The following IL1RAPL1 variants were observed in gnomAD, a reference collection of about 807,000 sequenced individuals.
IL1RAPL1 encodes interleukin 1 receptor accessory protein like 1.
In IL1RAPL1, 3 loss-of-function variants were observed where a neutral mutation model predicts 48.4. That is an observed-to-expected ratio of 0.06 (90% CI 0.03 to 0.16). The LOEUF (loss-of-function observed/expected upper bound fraction) is 0.16, where lower values mean the gene tolerates loss of function less well. IL1RAPL1 is among the 10% of genes least tolerant of loss of function. IL1RAPL1 has a pLI of 1.00. For synonymous variants in IL1RAPL1, 185 were observed against 187.7 expected (o/e 0.99, Z 0.12); for missense variants, 349 against 530.6 (o/e 0.66, Z 3.36).
rs1019688878 is a variant in IL1RAPL1 at position 29,904,976 on chromosome X, T to A, written c.779-12488T>A. On this transcript the variant is annotated intron_variant, in intron 6 of 10. Coordinates refer to ENST00000378993, the MANE Select transcript of IL1RAPL1 (RefSeq NM_014271.4). ...GTCTTCCACAATGGTTGAACTAATT[T>A]ACACTCCCACCAACAGAGTGAAAGC... Among the ~76,000 whole-genome samples, 7 of 112,057 alleles carry A rather than the reference T, an allele frequency of 6.2e-5. No individual in the cohort carries two copies. In the Admixed American group the frequency reaches 6.6e-4, roughly 11 times the overall value.
intron 2 of IL1RAPL1, among the ~76,000 whole-genome samples, chrX:28,917,402 G>A (rs187344825): frequency 2.9e-4 from 32 of 111,647 alleles, no homozygotes; most frequent in Non-Finnish European, 4.7e-4. Flanking sequence ...TCATTCTTTT[G>A]TGATATGACA....
intron 2 of IL1RAPL1, among the ~76,000 whole-genome samples, chrX:29,059,783 C>T (rs1927301006): frequency 1.8e-5 from 2 of 111,711 alleles, no homozygotes; most frequent in South Asian, 7.5e-4. Flanking sequence ...TTTATTTACT[C>T]ACTTGTTGAT....
intron 1 of IL1RAPL1, among the ~76,000 whole-genome samples, chrX:28,725,111 C>A (rs1033800012): frequency 9.1e-6 from 1 of 109,388 alleles, no homozygotes; most frequent in Non-Finnish European, 1.9e-5. Context: ...GCACCACGCC[C>A]GGCTAATTTT....
At chrX:29,734,608 T>C (rs1054722162) in intron 6 of IL1RAPL1, among the ~76,000 whole-genome samples, 2 of 112,248 alleles carry the variant, frequency 1.8e-5, no homozygotes, top group Admixed American at 9.5e-5. Context: ...TGCCATTCTT[T>C]CCAAAGATGC....
At chrX:29,897,198 G>A (rs901448028) in intron 6 of IL1RAPL1, among the ~76,000 whole-genome samples, 1 of 112,385 alleles carries the variant, frequency 8.9e-6, no homozygotes, top group Non-Finnish European at 1.9e-5. Flanking sequence ...GTTGTTCTAA[G>A]GGCATTGCTG....
intron 6 of IL1RAPL1, among the ~76,000 whole-genome samples, chrX:29,896,169 G>A (rs532941692): frequency 1.8e-5 from 2 of 112,324 alleles, no homozygotes; most frequent in East Asian, 2.8e-4. Context: ...GATGGGAAAC[G>A]ACTTTCAGTG....
intron 3 of IL1RAPL1, among the ~76,000 whole-genome samples, chrX:29,305,968 T>C (rs894702532): frequency 4.5e-5 from 5 of 111,982 alleles, no homozygotes; most frequent in Non-Finnish European, 7.5e-5. Context: ...AATTTTGGCA[T>C]TGATTTGTTA....
At chrX:28,810,645 AT>A (rs1249718363) in intron 2 of IL1RAPL1, among the ~76,000 whole-genome samples, 4 of 110,481 alleles carry the variant, frequency 3.6e-5, no homozygotes, top group Non-Finnish European at 5.7e-5. Flanking sequence ...ATGCATATGA[AT>A]TTTTTTTGTA....
intron 6 of IL1RAPL1, among the ~76,000 whole-genome samples, chrX:29,745,078 A>G (rs1928298732): frequency 8.9e-6 from 1 of 111,916 alleles, no homozygotes; most frequent in African/African-American, 3.2e-5. Flanking sequence ...TAAATAGACA[A>G]TGATCTTGAA....
chrX:29,035,503 T>G (rs1255287836), intron 2 of IL1RAPL1, among the ~76,000 whole-genome samples: 9 of 111,490 alleles, frequency 8.1e-5, no homozygotes. Context: ...TACACCTAAG[T>G]TAACTTTAGG....
At chrX:29,306,589 G>A (rs1407167040) in intron 3 of IL1RAPL1, among the ~76,000 whole-genome samples, 4 of 101,956 alleles carry the variant, frequency 3.9e-5, no homozygotes, top group African/African-American at 1.4e-4. Context: ...ATGGCCAGGC[G>A]CAGTGGCTCA....
At chrX:28,906,725 C>A (rs1923226214) in intron 2 of IL1RAPL1, among the ~76,000 whole-genome samples, 1 of 111,217 alleles carries the variant, frequency 9.0e-6, no homozygotes, top group African/African-American at 3.3e-5. Flanking sequence ...AGATATTTTA[C>A]AATCTTTCAT....
chrX:29,070,238 G>T (rs1241347044), intron 2 of IL1RAPL1, among the ~76,000 whole-genome samples: 1 of 111,853 alleles, frequency 8.9e-6, no homozygotes, highest in Non-Finnish European at 1.9e-5. Context: ...TAATTGTCAT[G>T]AGCACTAGAA....
At chrX:28,710,019 G>A (rs1935421549) in intron 1 of IL1RAPL1, among the ~76,000 whole-genome samples, 1 of 111,558 alleles carries the variant, frequency 9.0e-6, no homozygotes, top group South Asian at 3.7e-4. Flanking sequence ...TTTATAGACA[G>A]CGAGAGATGC....
At chrX:29,449,072 A>G (rs910067078) in intron 5 of IL1RAPL1, among the ~76,000 whole-genome samples, 1 of 111,525 alleles carries the variant, frequency 9.0e-6, no homozygotes, top group Non-Finnish European at 1.9e-5. Context: ...TTGAGGGAAC[A>G]TATTCAGTCC....
chrX:29,822,476 T>C (rs1930645219), intron 6 of IL1RAPL1, among the ~76,000 whole-genome samples: 1 of 111,069 alleles, frequency 9.0e-6, no homozygotes, highest in East Asian at 2.8e-4. Context: ...TTTTTGCATG[T>C]TTTGGTCTAC....
intron 2 of IL1RAPL1, among the ~76,000 whole-genome samples, chrX:29,044,799 G>A (rs1043187205): frequency 9.0e-6 from 1 of 111,073 alleles, no homozygotes; most frequent in African/African-American, 3.3e-5. Flanking sequence ...ACCCACAGTG[G>A]AAGTTTAGCA....
chrX:29,924,480 C>T (rs1254837413), intron 8 of IL1RAPL1, among the ~76,000 whole-genome samples: 1 of 112,040 alleles, frequency 8.9e-6, no homozygotes, highest in African/African-American at 3.2e-5. Context: ...GCCAAAGTTA[C>T]AGGCATGAAA....
intron 6 of IL1RAPL1, among the ~76,000 whole-genome samples, chrX:29,716,292 T>A (rs1927481796): frequency 2.7e-5 from 3 of 111,148 alleles, no homozygotes; most frequent in Admixed American, 9.6e-5. Flanking sequence ...TCTCTTTGGC[T>A]GAGAGATGCT....
Sources: allele counts gnomAD v4.1 joint callset (sites outside exome capture counted in the v4.1 genomes callset), GRCh38; gene constraint gnomAD v4.1.1; transcripts MANE v1.5; gene names NCBI Gene and HGNC (gene_info 2026-07-23, HGNC 2026-07-21).